The following MYO1F variants were observed in gnomAD, a reference collection of about 807,000 sequenced individuals.
MYO1F encodes unconventional myosin-If.
A neutral mutation model predicts 146.6 loss-of-function variants in MYO1F; 60 were observed. The ratio of observed to expected loss-of-function variants is 0.41; its 90% CI spans 0.33 to 0.51. The LOEUF (loss-of-function observed/expected upper bound fraction) is 0.51. Ranked by LOEUF, MYO1F falls within the 20% of genes least tolerant of loss-of-function variation. The pLI is 0.25. For synonymous variants in MYO1F, 602 were observed against 602.1 expected (o/e 1.00, Z 0.00); for missense variants, 1,274 against 1,534.3 (o/e 0.83, Z 2.83).
chr19:8,562,643 T>TC, intron 1 of MYO1F, among the ~76,000 whole-genome samples: 1 of 151,608 alleles, frequency 6.6e-6, no homozygotes, highest in East Asian at 2.0e-4. Context: ...CAAGTGATCC[T>TC]CCCACCCCAG....
At position 8,542,138 on chromosome 19, in the gene MYO1F, G is replaced by C. The variant is rs992178999; in HGVS notation, c.1525-147C>G. The stretch of plus-strand genomic sequence containing the variant: ...CAGGCAGTGTCTACAGCGCTGGCTG[G>C]GGGGTATCTACAGTTCAGAATAGGG... On this transcript the variant is annotated intron_variant, in intron 14 of 27. Coordinates refer to ENST00000644032, the MANE Select transcript of MYO1F (RefSeq NM_012335.4). The C allele has an allele frequency of 1.2e-5, 8 of 690,128 alleles. No homozygotes were observed. The East Asian group carries it at 1.9e-4, about 16-fold the overall frequency. The allele number at this position is 690,128 out of a possible 1,614,324, so 42.8% of individuals were successfully genotyped here. A position where few individuals can be genotyped will look rare whatever the true frequency, so the allele number is the denominator to read the frequency against.
In MYO1F at chr19:8,562,163, C is replaced by CT. The variant is rs369094611; in HGVS notation, c.4-6368dup. ...CGTTCTCCTGCCCGGCTAATTTTTT[C>CT]TTTTTTTTTTTGTATTTTTAGTGGA... On this transcript the variant is annotated intron_variant, in intron 1 of 27. Coordinates refer to ENST00000644032, the MANE Select transcript of MYO1F (RefSeq NM_012335.4). Among the ~76,000 whole-genome samples, 192 of 145,442 alleles carry CT rather than the reference C, an allele frequency of 1.3e-3. 1 individual carries two copies. Among genetic ancestry groups the CT allele is most frequent in the East Asian group, 1.2e-3 (6 of 5,016 alleles).
intron 16 of MYO1F, 71 bp downstream of exon 16, chr19:8,539,876 G>A (rs982382421): frequency 7.3e-7 from 1 of 1,361,130 alleles, no homozygotes; most frequent in Admixed American, 1.7e-5. Context: ...GAGAAACAGA[G>A]TCCGGACCCC....
At chr19:8,523,247 A>G (rs572488649) in intron 25 of MYO1F, among the ~76,000 whole-genome samples, 1 of 152,042 alleles carries the variant, frequency 6.6e-6, no homozygotes. Flanking sequence ...GTTAGCCAGG[A>G]TGGTCTCGAT....
chr19:8,545,797 C>G, intron 12 of MYO1F, 61 bp from the exon 13 acceptor site: 2 of 1,157,628 alleles, frequency 1.7e-6, no homozygotes, highest in South Asian at 1.2e-5. Flanking sequence ...ACCCTTCCCC[C>G]CATGTCCTCT....
At chr19:8,557,774 G>C (rs1489736340) in intron 1 of MYO1F, among the ~76,000 whole-genome samples, 1 of 152,134 alleles carries the variant, frequency 6.6e-6, no homozygotes, top group African/African-American at 2.4e-5. Flanking sequence ...GCGCATCCCA[G>C]TTCTCACTTC....
intron 23 of MYO1F, 24 bp downstream of exon 23, chr19:8,526,765 G>T (rs781549113): frequency 3.1e-5 from 50 of 1,595,878 alleles, no homozygotes; most frequent in Non-Finnish European, 3.7e-5. Context: ...CCCCGAGATG[G>T]TGCTGGGGTT....
intron 19 of MYO1F, among the ~76,000 whole-genome samples, chr19:8,531,486 C>T (rs1972484580): frequency 6.6e-6 from 1 of 151,960 alleles, no homozygotes; most frequent in South Asian, 2.1e-4. Flanking sequence ...GTAGCTGGGA[C>T]TACAGCTGTG....
intron 12 of MYO1F, 80 bp from the exon 13 acceptor site, chr19:8,545,816 C>A: frequency 1.0e-6 from 1 of 976,412 alleles, no homozygotes; most frequent in South Asian, 1.3e-5. Context: ...CTCCCCTTCT[C>A]CATCTCATCA....
At chr19:8,550,387 G>A in intron 9 of MYO1F, 31 bp from the exon 10 acceptor site, 1 of 1,597,970 alleles carries the variant, frequency 6.3e-7, no homozygotes, top group Non-Finnish European at 8.5e-7. Context: ...GCAAAAATGG[G>A]ACAGTTGGTT....
At chr19:8,543,726 C>CTGG (rs1973114311) in intron 14 of MYO1F, among the ~76,000 whole-genome samples, 1 of 12,442 alleles carries the variant, frequency 8.0e-5, no homozygotes, top group African/African-American at 4.0e-4. Flanking sequence ...GGTGGTGGTG[C>CTGG]TGGTGGTGCT....
At chr19:8,554,187 C>T (rs1229029789) in intron 4 of MYO1F, among the ~76,000 whole-genome samples, 1 of 152,090 alleles carries the variant, frequency 6.6e-6, no homozygotes, top group Non-Finnish European at 1.5e-5. Context: ...GAACTCCTAG[C>T]CTCAAGAGAT....
At chr19:8,525,031 C>G (rs1972207612) in intron 25 of MYO1F, among the ~76,000 whole-genome samples, 1 of 151,714 alleles carries the variant, frequency 6.6e-6, no homozygotes, top group Admixed American at 6.6e-5. Context: ...AACCCTGTCT[C>G]TACTAAAACG....
At chr19:8,536,636 A>G (rs1315009115) in intron 17 of MYO1F, 39 bp from the exon 18 acceptor site, 2 of 314,014 alleles carry the variant, frequency 6.4e-6, no homozygotes, top group Admixed American at 3.4e-5. Flanking sequence ...CGGGGTGGGG[A>G]GTCACCAGTC....
rs1159352720 is a variant in MYO1F at position 8,551,851 on chromosome 19, C to T, written c.660G>A (p.Glu220=). The T allele has an allele frequency of 1.2e-6, 2 of 1,614,152 alleles. No individual in the cohort carries two copies. The highest frequency in any genetic ancestry group is 8.5e-7 in the Non-Finnish European group (1 of 1,180,028). Residue 220 remains glutamate (E), a synonymous_variant, in exon 8 of 28, where the codon GAG becomes GAA. Coordinates refer to ENST00000644032, the MANE Select transcript of MYO1F (RefSeq NM_012335.4). ...TCATGAGGCCCAGGTTCTGCCTTTG[C>T]TCCTGGGAGGCCCCTTCCAGCAGCT... is the stretch of plus-strand genomic sequence containing the variant. ...YYQLLEGASQ[E]QRQNLGLMTP...
intron 1 of MYO1F, among the ~76,000 whole-genome samples, chr19:8,557,766 G>A (rs113430749): frequency 4.6e-5 from 7 of 152,234 alleles, no homozygotes; most frequent in African/African-American, 1.7e-4. Context: ...GGAAGTGGGC[G>A]CATCCCAGTT....
intron 5 of MYO1F, 34 bp downstream of exon 5, chr19:8,553,316 G>A (rs746250683): frequency 1.2e-6 from 2 of 1,612,222 alleles, no homozygotes; most frequent in Admixed American, 1.7e-5. Flanking sequence ...AGGTGAGGGC[G>A]ACCCAGCTTA....
At chr19:8,535,209 G>A (rs768518378) in intron 19 of MYO1F, among the ~76,000 whole-genome samples, 2 of 152,074 alleles carry the variant, frequency 1.3e-5, no homozygotes, top group Admixed American at 6.6e-5. Flanking sequence ...AGTGCGCCTG[G>A]CCAGCAAGAT....
chr19:8,562,098 A>G (rs1342265324), intron 1 of MYO1F, among the ~76,000 whole-genome samples: 1 of 150,760 alleles, frequency 6.6e-6, no homozygotes, highest in Non-Finnish European at 1.5e-5. Context: ...GCAGTGGCAC[A>G]ATCTCGGCTC....
Sources: allele counts gnomAD v4.1 joint callset (sites outside exome capture counted in the v4.1 genomes callset), GRCh38; gene constraint gnomAD v4.1.1; transcripts MANE v1.5; gene names NCBI Gene and HGNC (gene_info 2026-07-23, HGNC 2026-07-21).